The following SYT1 variants were observed in gnomAD, a reference collection of about 807,000 sequenced individuals.
SYT1 encodes the protein synaptotagmin-1.
A neutral mutation model predicts 44.8 loss-of-function variants in SYT1; 8 were observed. The observed-to-expected ratio is 0.18, with a 90% confidence interval of 0.10 to 0.32. The LOEUF is 0.32. SYT1 is among the 10% of genes least tolerant of loss of function. SYT1 has a pLI of 1.00. For synonymous variants in SYT1, 154 were observed against 188.8 expected (o/e 0.82, Z 1.51); for missense variants, 286 against 509.3 (o/e 0.56, Z 4.22).
chr12:79,243,919 C>T (rs1480888333), intron 4 of SYT1, among the ~76,000 whole-genome samples: 1 of 151,730 alleles, frequency 6.6e-6, no homozygotes, highest in Non-Finnish European at 1.5e-5. Context: ...GAAGGAAATA[C>T]AGGATGGGGG....
intron 3 of SYT1, among the ~76,000 whole-genome samples, chr12:79,138,340 A>G (rs893534082): frequency 2.6e-5 from 4 of 152,230 alleles, no homozygotes; most frequent in African/African-American, 9.6e-5. Context: ...AGGGCATCAA[A>G]TTTATATTTT....
At chr12:79,189,780 T>C (rs1873005958) in intron 3 of SYT1, among the ~76,000 whole-genome samples, 1 of 152,150 alleles carries the variant, frequency 6.6e-6, no homozygotes, top group Admixed American at 6.5e-5. Context: ...GGTTCATTCC[T>C]GTAGACCCAG....
chr12:79,401,811 A>G (rs1232398439), intron 9 of SYT1, among the ~76,000 whole-genome samples: 15 of 152,022 alleles, frequency 9.9e-5, no homozygotes, highest in East Asian at 1.9e-4. Flanking sequence ...CTAGGACTAC[A>G]GGCAGGAGCC....
intron 1 of SYT1, among the ~76,000 whole-genome samples, chr12:78,906,212 A>C (rs1875970783): frequency 6.6e-6 from 1 of 152,104 alleles, no homozygotes; most frequent in Non-Finnish European, 1.5e-5. Context: ...AGAAAAAAAA[A>C]CAAAATGAAA....
chr12:78,984,162 T>C (rs1429024306), intron 2 of SYT1, among the ~76,000 whole-genome samples: 2 of 151,876 alleles, frequency 1.3e-5, no homozygotes, highest in Admixed American at 6.6e-5. Flanking sequence ...GAAATTTGTA[T>C]AAATCCCTTT....
At chr12:79,353,466 G>A (rs1390116074) in intron 8 of SYT1, 36 bp from the exon 9 acceptor site, 1 of 1,452,502 alleles carries the variant, frequency 6.9e-7, no homozygotes. Context: ...ACTTGTATTT[G>A]AAAAATTGCT....
At chr12:79,276,457 C>T (rs945236896) in intron 4 of SYT1, among the ~76,000 whole-genome samples, 2 of 151,936 alleles carry the variant, frequency 1.3e-5, no homozygotes, top group African/African-American at 4.8e-5. Flanking sequence ...GCAGGCAGAT[C>T]ATGAGGTCAA....
chr12:79,349,037 GAA>G (rs1234805611), intron 8 of SYT1, among the ~76,000 whole-genome samples: 7 of 96,640 alleles, frequency 7.2e-5, no homozygotes, highest in East Asian at 7.4e-4. Flanking sequence ...GAAAGAAAAA[GAA>G]AGAAAGAAAG....
At chr12:78,948,698 AT>A (rs1477936913) in intron 1 of SYT1, among the ~76,000 whole-genome samples, 1 of 151,840 alleles carries the variant, frequency 6.6e-6, no homozygotes, top group Non-Finnish European at 1.5e-5. Flanking sequence ...TCAAGAATTC[AT>A]TTTCCTTTCA....
At chr12:79,317,580 A>G (rs10746106) in intron 8 of SYT1, among the ~76,000 whole-genome samples, 34,950 of 152,048 alleles carry the variant, frequency 0.23, 5,062 homozygotes, top group East Asian at 0.47. Context: ...ACACAAACCC[A>G]GCTCAAGTCA....
At chr12:79,415,748 G>A (rs1868700094) in intron 9 of SYT1, among the ~76,000 whole-genome samples, 1 of 152,152 alleles carries the variant, frequency 6.6e-6, no homozygotes, top group South Asian at 2.1e-4. Flanking sequence ...GACTGAAAGG[G>A]AATATGCATT....
intron 3 of SYT1, among the ~76,000 whole-genome samples, chr12:79,163,677 A>C (rs1473683836): frequency 6.6e-6 from 1 of 151,816 alleles, no homozygotes; most frequent in Non-Finnish European, 1.5e-5. Context: ...AGGTCAGCTG[A>C]CCCTTCCTTT....
At chr12:79,395,955 T>C (rs762234871) in intron 9 of SYT1, among the ~76,000 whole-genome samples, 70 of 152,246 alleles carry the variant, frequency 4.6e-4, no homozygotes, top group Non-Finnish European at 8.7e-4. Context: ...AGCCATTGAC[T>C]ATTTTGTTAT....
chr12:79,227,169 A>G (rs1875571401), intron 4 of SYT1, among the ~76,000 whole-genome samples: 1 of 152,166 alleles, frequency 6.6e-6, no homozygotes, highest in Non-Finnish European at 1.5e-5. Flanking sequence ...CATGAAACAT[A>G]TTCAAACCAA....
intron 8 of SYT1, among the ~76,000 whole-genome samples, chr12:79,313,901 G>A (rs900975850): frequency 1.3e-5 from 2 of 148,902 alleles, no homozygotes. Context: ...CGGGCGCGGT[G>A]GCTCACGCCT....
At chr12:78,990,794 C>T (rs1565752043) in intron 2 of SYT1, among the ~76,000 whole-genome samples, 2 of 152,002 alleles carry the variant, frequency 1.3e-5, no homozygotes, top group African/African-American at 2.4e-5. Flanking sequence ...CCACATGTGC[C>T]GGTTATTCAA....
At chr12:79,311,925 G>A (rs1456217685) in intron 8 of SYT1, among the ~76,000 whole-genome samples, 5 of 146,536 alleles carry the variant, frequency 3.4e-5, no homozygotes, top group South Asian at 4.5e-4. Context: ...GCTAAATGAC[G>A]AGTTAATGGG....
intron 1 of SYT1, among the ~76,000 whole-genome samples, chr12:78,931,136 T>C (rs144660119): frequency 7.1e-6 from 1 of 140,242 alleles, no homozygotes; most frequent in Admixed American, 7.7e-5. Flanking sequence ...CACTCCAGTC[T>C]GGGCAGCAAG....
At chr12:79,358,685 C>A (rs1883203918) in intron 9 of SYT1, among the ~76,000 whole-genome samples, 1 of 152,146 alleles carries the variant, frequency 6.6e-6, no homozygotes, top group Non-Finnish European at 1.5e-5. Flanking sequence ...AGCATTCAGC[C>A]TTGCCCACAC....
Sources: gnomAD v4.1 joint callset for allele counts (sites outside exome capture counted in the v4.1 genomes callset) on GRCh38, gnomAD v4.1.1 for gene constraint, MANE v1.5 for transcripts, NCBI Gene and HGNC (gene_info 2026-07-23, HGNC 2026-07-21) for gene names.